AKAP13: variants seen among roughly 807,000 people sequenced by gnomAD.
The protein encoded by AKAP13 is A-kinase anchor protein 13.
Under a neutral mutation model 264.5 loss-of-function variants are expected in AKAP13, and 80 were observed. The observed-to-expected ratio is 0.30, with a 90% CI of 0.25 to 0.36. The LOEUF is 0.36. AKAP13 is among the 10% of genes least tolerant of loss of function. AKAP13 has a pLI of 1.00. For synonymous variants in AKAP13, 1,380 were observed against 1,250.2 expected, an observed-to-expected ratio of 1.10 and a Z score of -2.19; for missense variants, 3,712 against 3,435.2, an observed-to-expected ratio of 1.08 and a Z score of -2.01.
At chr15:85,681,786 A>G (rs373046182) in intron 14 of AKAP13, among the ~76,000 whole-genome samples, 1 of 151,514 alleles carries the variant, frequency 6.6e-6, no homozygotes, top group East Asian at 1.9e-4. Context: ...TTAATTTCCT[A>G]TTCTATATTC....
intron 15 of AKAP13, among the ~76,000 whole-genome samples, chr15:85,683,144 C>G (rs1362871320): frequency 6.6e-6 from 1 of 152,212 alleles, no homozygotes; most frequent in Non-Finnish European, 1.5e-5. Context: ...AGAACCCTTG[C>G]AATGAATGCT....
rs557000969 is a variant in AKAP13 at position 85,397,368 on chromosome 15, C to G, written c.-12+16570C>G. 3.9e-5 allele frequency among the ~76,000 whole-genome samples: 6 copies of G among 152,254 alleles called. No homozygotes were observed. In the East Asian group the frequency reaches 9.7e-4, roughly 24 times the overall value. ...GTGCTTGTGGCAGTCTAAAGATGATCACTTTATTAGTTAGCTCACTGGGAT... is the reference window on the plus strand; with the variant it reads ...GTGCTTGTGGCAGTCTAAAGATGATGACTTTATTAGTTAGCTCACTGGGAT... On this transcript the variant is annotated intron_variant, in intron 1 of 36. Coordinates refer to ENST00000394518, the MANE Select transcript of AKAP13 (RefSeq NM_007200.5).
Position 85,745,430 on chromosome 15 carries a change from T to A in AKAP13, c.*753T>A, listed in dbSNP as rs2089341384. 6.6e-6 allele frequency: 1 copy of A among 152,152 alleles called. No individual in the cohort carries two copies. Among genetic ancestry groups the A allele is most frequent in the African/African-American group, 2.4e-5 (1 of 41,428 alleles). The allele number at this position is 152,152 out of a possible 1,614,324, so 9.4% of individuals were successfully genotyped here. A position where few individuals can be genotyped will look rare whatever the true frequency, so the allele number is the denominator to read the frequency against. On this transcript the variant is annotated 3_prime_UTR_variant, in exon 37 of 37. Coordinates refer to ENST00000394518, the MANE Select transcript of AKAP13 (RefSeq NM_007200.5). ...GGCACTAAAGCAACAAAACAACCCA[T>A]AGTATCTCATTCTGTCATCAGATCC...
intron 2 of AKAP13, among the ~76,000 whole-genome samples, chr15:85,515,824 C>T (rs2076580858): frequency 7.3e-6 from 1 of 136,806 alleles, no homozygotes; most frequent in Admixed American, 7.3e-5. Flanking sequence ...TAGCTTATTT[C>T]TCTATGGTTA....
At chr15:85,522,548 ACTGAACTTGT>A (rs537133037) in intron 3 of AKAP13, among the ~76,000 whole-genome samples, 218 of 152,230 alleles carry the variant, frequency 1.4e-3, no homozygotes, top group African/African-American at 5.0e-3. Context: ...TCTCAGAGTC[ACTGAACTTGT>A]ATGACAGCCT....
intron 2 of AKAP13, among the ~76,000 whole-genome samples, chr15:85,500,500 G>A (rs1425946576): frequency 6.6e-6 from 1 of 152,202 alleles, no homozygotes; most frequent in Non-Finnish European, 1.5e-5. Flanking sequence ...TCAGCCCACT[G>A]AATCTATAAT....
At chr15:85,434,124 C>G (rs1206092630) in intron 1 of AKAP13, among the ~76,000 whole-genome samples, 1 of 151,622 alleles carries the variant, frequency 6.6e-6, no homozygotes, top group Non-Finnish European at 1.5e-5. Context: ...GCACCGTGCG[C>G]GAGCCGAAGC....
At chr15:85,491,497 T>TATATTATATATTATA in intron 2 of AKAP13, among the ~76,000 whole-genome samples, 1 of 140,686 alleles carries the variant, frequency 7.1e-6, no homozygotes, top group South Asian at 2.2e-4. Flanking sequence ...TTATATATAT[T>TATATTATATATTATA]TATTATATAT....
chr15:85,427,916 T>C (rs1302332038), intron 1 of AKAP13, among the ~76,000 whole-genome samples: 1 of 152,166 alleles, frequency 6.6e-6, no homozygotes, highest in East Asian at 1.9e-4. Flanking sequence ...AGCAGAATAT[T>C]TGAAGTATCA....
At chr15:85,455,580 A>C (rs532630845) in intron 1 of AKAP13, among the ~76,000 whole-genome samples, 3 of 152,266 alleles carry the variant, frequency 2.0e-5, no homozygotes, top group Admixed American at 2.0e-4. Flanking sequence ...ATTTGGGCAT[A>C]GGTTTTACTC....
At chr15:85,610,111 C>A (rs2080537782) in intron 8 of AKAP13, among the ~76,000 whole-genome samples, 1 of 152,164 alleles carries the variant, frequency 6.6e-6, no homozygotes, top group South Asian at 2.1e-4. Flanking sequence ...AGAAATTTGG[C>A]TAATATTCAT....
intron 1 of AKAP13, among the ~76,000 whole-genome samples, chr15:85,460,209 G>C (rs1371819744): frequency 6.6e-6 from 1 of 152,096 alleles, no homozygotes; most frequent in African/African-American, 2.4e-5. Flanking sequence ...GTTTTCTCCT[G>C]CTCCTATCAC....
intron 26 of AKAP13, among the ~76,000 whole-genome samples, chr15:85,725,162 C>T (rs979030966): frequency 1.3e-5 from 2 of 152,174 alleles, no homozygotes; most frequent in Non-Finnish European, 2.9e-5. Context: ...TGTGGTCAAG[C>T]CAGCGGCAGA....
chr15:85,720,504 T>C (rs548483868), intron 23 of AKAP13, among the ~76,000 whole-genome samples: 28 of 152,328 alleles, frequency 1.8e-4, no homozygotes, highest in African/African-American at 3.6e-4. Context: ...GTGATTGTCA[T>C]AGACAGATTT....
At chr15:85,584,274 T>C (rs1288356035) in intron 7 of AKAP13, among the ~76,000 whole-genome samples, 1 of 152,184 alleles carries the variant, frequency 6.6e-6, no homozygotes, top group East Asian at 1.9e-4. Context: ...AGGAAATCAG[T>C]GATGCATGAC....
intron 11 of AKAP13, among the ~76,000 whole-genome samples, chr15:85,657,050 A>T (rs949994987): frequency 1.3e-5 from 2 of 152,068 alleles, no homozygotes; most frequent in African/African-American, 4.8e-5. Flanking sequence ...AGAGGATGAG[A>T]TGGGAGGATT....
chr15:85,581,566 C>A lies in AKAP13; in HGVS notation c.3498C>A (p.Asp1166Glu), dbSNP rs971532367. ...DWEKGKLEGA[D>E]HSCTMGDAEE... ...AGAAAGGGAAGCTGGAGGGAGCAGACCACAGCTGTACCATGGGTGACGCTG... is the reference window on the plus strand; with the variant it reads ...AGAAAGGGAAGCTGGAGGGAGCAGAACACAGCTGTACCATGGGTGACGCTG... The change falls in exon 7 of 37, where the codon GAC becomes GAA. Residue 1166 changes from aspartate to glutamate, a missense_variant. Transcript: ENST00000394518. 1.9e-6 allele frequency: 3 copies of A among 1,614,038 alleles called. No homozygotes were observed. The East Asian group carries it at 6.7e-5, about 36-fold the overall frequency.
chr15:85,705,499 CTTATCT>C (rs2086179163), intron 17 of AKAP13, among the ~76,000 whole-genome samples: 1 of 152,036 alleles, frequency 6.6e-6, no homozygotes, highest in Non-Finnish European at 1.5e-5. Flanking sequence ...ACAATAAAAT[CTTATCT>C]TTAAGTTATC....
intron 10 of AKAP13, among the ~76,000 whole-genome samples, chr15:85,646,583 A>C (rs2082570627): frequency 6.6e-6 from 1 of 152,226 alleles, no homozygotes; most frequent in Non-Finnish European, 1.5e-5. Context: ...AACACTTCTC[A>C]GTGGGCAGCA....
Sources: gnomAD v4.1 joint callset for allele counts (sites outside exome capture counted in the v4.1 genomes callset) on GRCh38, gnomAD v4.1.1 for gene constraint, MANE v1.5 for transcripts, NCBI Gene and HGNC (gene_info 2026-07-23, HGNC 2026-07-21) for gene names.